TSPAN18: variants seen among roughly 807,000 people sequenced by gnomAD.
TSPAN18 encodes tetraspanin-18.
A neutral mutation model predicts 27.3 loss-of-function variants in TSPAN18; 14 were observed. The ratio of observed to expected loss-of-function variants is 0.51; its 90% CI spans 0.34 to 0.80. The LOEUF is 0.80. Ranked by LOEUF, TSPAN18 falls within the 30% of genes least tolerant of loss-of-function variation. The pLI, the probability that TSPAN18 is intolerant of heterozygous loss-of-function variation, is 0.01. For missense variants in TSPAN18, 268 were observed against 323.9 expected (o/e 0.83, Z 1.32); for synonymous variants, 143 against 136.5 (o/e 1.05, Z -0.33).
At chr11:44,870,919 C>T (rs941562629) in intron 3 of TSPAN18, among the ~76,000 whole-genome samples, 1 of 152,152 alleles carries the variant, frequency 6.6e-6, no homozygotes, top group Non-Finnish European at 1.5e-5. Flanking sequence ...TGACTAGACT[C>T]ACACAGATCA....
chr11:44,856,516 C>G (rs1053039178), intron 2 of TSPAN18, among the ~76,000 whole-genome samples: 2 of 152,122 alleles, frequency 1.3e-5, no homozygotes, highest in Admixed American at 6.5e-5. Context: ...TCTCACTCCT[C>G]TGAATTCATA....
At chr11:44,787,491 GTTGA>G (rs1015040435) in intron 2 of TSPAN18, among the ~76,000 whole-genome samples, 5 of 152,182 alleles carry the variant, frequency 3.3e-5, no homozygotes, top group African/African-American at 1.2e-4. Context: ...GGCTGTGCAG[GTTGA>G]TTCTCATCCT....
chr11:44,881,686 C>T (rs1858493384), intron 3 of TSPAN18, among the ~76,000 whole-genome samples: 1 of 152,184 alleles, frequency 6.6e-6, no homozygotes, highest in African/African-American at 2.4e-5. Context: ...CTGCTTTATC[C>T]TTTCCAACTG....
chr11:44,843,130 A>G (rs1206644563), intron 2 of TSPAN18, among the ~76,000 whole-genome samples: 1 of 152,188 alleles, frequency 6.6e-6, no homozygotes, highest in African/African-American at 2.4e-5. Flanking sequence ...CTGTATTTCT[A>G]TGTAATATTC....
intron 3 of TSPAN18, among the ~76,000 whole-genome samples, chr11:44,894,368 T>C (rs1317873557): frequency 6.6e-6 from 1 of 152,188 alleles, no homozygotes; most frequent in Non-Finnish European, 1.5e-5. Flanking sequence ...GTGCAAGCCC[T>C]TTCTCGGCTC....
At chr11:44,771,622 A>G (rs988517300) in intron 2 of TSPAN18, among the ~76,000 whole-genome samples, 1 of 152,202 alleles carries the variant, frequency 6.6e-6, no homozygotes, top group African/African-American at 2.4e-5. Context: ...AGGATATACA[A>G]CCCTCTGTAT....
intron 1 of TSPAN18, among the ~76,000 whole-genome samples, chr11:44,763,669 T>C (rs1327906587): frequency 6.6e-6 from 1 of 152,208 alleles, no homozygotes; most frequent in East Asian, 1.9e-4. Flanking sequence ...GTTGATAATA[T>C]TCTAGCTGGA....
intron 9 of TSPAN18, among the ~76,000 whole-genome samples, chr11:44,928,156 G>C (rs1330439920): frequency 6.6e-6 from 1 of 152,162 alleles, no homozygotes; most frequent in Non-Finnish European, 1.5e-5. Context: ...AATCTGGTCA[G>C]AGTCCCTGAG....
At chr11:44,798,282 G>A (rs835854) in intron 2 of TSPAN18, among the ~76,000 whole-genome samples, 88,041 of 152,088 alleles carry the variant, frequency 0.58, 27,321 homozygotes, top group Non-Finnish European at 0.7. Flanking sequence ...GCAATGTGGT[G>A]AGCAGCTTTC....
At chr11:44,750,625 G>A (rs974077828) in intron 1 of TSPAN18, among the ~76,000 whole-genome samples, 6 of 142,318 alleles carry the variant, frequency 4.2e-5, no homozygotes, top group Admixed American at 3.0e-4. Flanking sequence ...TCTAGACCAC[G>A]TGGTCTTCCT....
chr11:44,769,167 T>C (rs1373272135), intron 2 of TSPAN18, among the ~76,000 whole-genome samples: 2 of 152,222 alleles, frequency 1.3e-5, no homozygotes, highest in African/African-American at 2.4e-5. Flanking sequence ...AGTGCTGGGA[T>C]TGCAGGCGTG....
At chr11:44,883,384 T>A (rs561154868) in intron 3 of TSPAN18, among the ~76,000 whole-genome samples, 1 of 152,326 alleles carries the variant, frequency 6.6e-6, no homozygotes, top group East Asian at 1.9e-4. Context: ...CATGGCACAG[T>A]GGCCCTCGGT....
In TSPAN18 at chr11:44,783,429, C is replaced by G. The variant is rs374813615; in HGVS notation, c.-153+18917C>G. On this transcript the variant is annotated intron_variant, in intron 2 of 9. Transcript: ENST00000520358. The stretch of plus-strand genomic sequence containing the variant: ...TTTTTTTTTTAGTGAGACGGAGTCT[C>G]GCTCTGTCGCCCAGGCTGGAGTGCA... Among the ~76,000 whole-genome samples the G allele has an allele frequency of 5.0e-3, 744 of 150,130 alleles. 5 individuals carry two copies. The highest frequency in any genetic ancestry group is 0.018 in the African/African-American group (717 of 40,922).
intron 2 of TSPAN18, among the ~76,000 whole-genome samples, chr11:44,772,254 A>G (rs1190439751): frequency 1.3e-5 from 2 of 152,372 alleles, no homozygotes; most frequent in South Asian, 2.1e-4. Context: ...TCTAGGATAT[A>G]TGACACCTAG....
At chr11:44,904,206 GAGA>G (rs1481692002) in intron 3 of TSPAN18, among the ~76,000 whole-genome samples, 12 of 152,316 alleles carry the variant, frequency 7.9e-5, no homozygotes, top group African/African-American at 2.9e-4. Flanking sequence ...TTCCTAGTAA[GAGA>G]AGAAGGAGGA....
intron 3 of TSPAN18, among the ~76,000 whole-genome samples, chr11:44,885,750 G>T (rs1285623904): frequency 6.6e-6 from 1 of 152,124 alleles, no homozygotes; most frequent in Non-Finnish European, 1.5e-5. Context: ...AGCCACGCAG[G>T]GTGCTTCTGT....
chr11:44,827,635 TC>T (rs1857071638), intron 2 of TSPAN18, among the ~76,000 whole-genome samples: 1 of 152,200 alleles, frequency 6.6e-6, no homozygotes, highest in Non-Finnish European at 1.5e-5. Context: ...GTTAAAATTA[TC>T]CCCCTTTCAA....
At chr11:44,795,076 AC>A (rs1190368879) in intron 2 of TSPAN18, among the ~76,000 whole-genome samples, 5 of 86,888 alleles carry the variant, frequency 5.8e-5, no homozygotes, top group Non-Finnish European at 1.2e-4. Context: ...TGGAACCCCC[AC>A]CCCCACCCCC....
At chr11:44,863,417 G>A (rs1857948745) in intron 3 of TSPAN18, among the ~76,000 whole-genome samples, 3 of 152,254 alleles carry the variant, frequency 2.0e-5, no homozygotes, top group Admixed American at 6.5e-5. Context: ...GCTTGGGTAC[G>A]GAGTTTAGTA....
Sources: gnomAD v4.1 joint callset for allele counts (sites outside exome capture counted in the v4.1 genomes callset) on GRCh38, gnomAD v4.1.1 for gene constraint, MANE v1.5 for transcripts, NCBI Gene and HGNC (gene_info 2026-07-23, HGNC 2026-07-21) for gene names.